CEP83: variants seen among roughly 807,000 people sequenced by gnomAD.
CEP83 encodes the protein centrosomal protein of 83 kDa.
In CEP83, 70 loss-of-function variants were observed where a neutral mutation model predicts 101.9. That is an observed-to-expected ratio of 0.69 (90% CI 0.57 to 0.84). The LOEUF is 0.84. Ranked by LOEUF, CEP83 falls within the 40% of genes least tolerant of loss-of-function variation. The pLI, the probability that CEP83 is intolerant of heterozygous loss-of-function variation, is 0.00. For missense variants in CEP83, 715 were observed against 787.2 expected, an observed-to-expected ratio of 0.91 and a Z score of 1.10; for synonymous variants, 264 against 267.9, an observed-to-expected ratio of 0.99 and a Z score of 0.14.
the CEP83 span, among the ~76,000 whole-genome samples, chr12:94,285,999 G>T: frequency 2.8e-4 from 42 of 152,308 alleles, no homozygotes; most frequent in South Asian, 1.0e-3. Flanking sequence ...AGTCTCTCCA[G>T]CAGGGAGAAT....
intron 9 of CEP83, chr12:94,369,449 A>G (rs780040240): frequency 6.6e-6 from 1 of 152,398 alleles, no homozygotes; most frequent in African/African-American, 2.4e-5. Context: ...GCGAGACTCC[A>G]TCTCAAAAAT....
chr12:94,269,188 C>T, the CEP83 span, among the ~76,000 whole-genome samples: 7 of 152,310 alleles, frequency 4.6e-5, no homozygotes, highest in East Asian at 7.7e-4. Context: ...TCTTAGAAAA[C>T]GAGCTTGCCA....
chr12:94,286,989 C>T, the CEP83 span, among the ~76,000 whole-genome samples: 3 of 152,208 alleles, frequency 2.0e-5, no homozygotes, highest in African/African-American at 7.2e-5. Flanking sequence ...CACCTACTGG[C>T]TGACACCCTT....
At chr12:94,274,638 T>G in the CEP83 span, among the ~76,000 whole-genome samples, 1 of 152,234 alleles carries the variant, frequency 6.6e-6, no homozygotes, top group Admixed American at 6.5e-5. Flanking sequence ...TCACAGCTCT[T>G]TAGCCTTTCA....
At chr12:94,290,556 T>C in the CEP83 span, among the ~76,000 whole-genome samples, 1 of 152,240 alleles carries the variant, frequency 6.6e-6, no homozygotes, top group African/African-American at 2.4e-5. Context: ...CACCAGCAGT[T>C]GGAGGCCTCT....
intron 14 of CEP83, among the ~76,000 whole-genome samples, chr12:94,322,802 A>G (rs2058804038): frequency 1.3e-5 from 2 of 152,202 alleles, no homozygotes; most frequent in South Asian, 4.1e-4. Flanking sequence ...AAGAATGTGA[A>G]ACATCAAAGA....
At chr12:94,269,972 C>T in the CEP83 span, among the ~76,000 whole-genome samples, 9 of 152,318 alleles carry the variant, frequency 5.9e-5, no homozygotes, top group African/African-American at 2.2e-4. Flanking sequence ...ACACTTTCTT[C>T]TCATGCCTGT....
chr12:94,302,499 A>T (rs1455274130), downstream of CEP83, among the ~76,000 whole-genome samples: 1 of 152,210 alleles, frequency 6.6e-6, no homozygotes, highest in Non-Finnish European at 1.5e-5. Flanking sequence ...TCTTCATTTG[A>T]CTAATAAAGT....
At chr12:94,315,182 C>A (rs1406127752) in intron 14 of CEP83, among the ~76,000 whole-genome samples, 1 of 152,120 alleles carries the variant, frequency 6.6e-6, no homozygotes, top group Non-Finnish European at 1.5e-5. Context: ...AGCAGTTTTA[C>A]CAATTACATT....
chr12:94,300,359 G>GA, the CEP83 span, among the ~76,000 whole-genome samples: 1 of 152,216 alleles, frequency 6.6e-6, no homozygotes, highest in African/African-American at 2.4e-5. Flanking sequence ...CCTGAGGCAA[G>GA]AAAGTTTCAG....
At chr12:94,387,095 C>T (rs909163812) in intron 6 of CEP83, among the ~76,000 whole-genome samples, 5 of 152,284 alleles carry the variant, frequency 3.3e-5, no homozygotes, top group South Asian at 2.1e-4. Flanking sequence ...TTTAACCACA[C>T]CCAAAAGATA....
At chr12:94,376,431 T>C (rs770482003) in intron 7 of CEP83, among the ~76,000 whole-genome samples, 10 of 151,102 alleles carry the variant, frequency 6.6e-5, no homozygotes, top group African/African-American at 7.3e-5. Flanking sequence ...CAAGTAAAAA[T>C]TGAAAATCTA....
chr12:94,372,124 C>T (rs1180175523), intron 8 of CEP83, among the ~76,000 whole-genome samples: 1 of 152,118 alleles, frequency 6.6e-6, no homozygotes, highest in Non-Finnish European at 1.5e-5. Context: ...CAGGCATGCA[C>T]CACCACACCT....
At chr12:94,432,410 C>A (rs2065704648) in intron 2 of CEP83, among the ~76,000 whole-genome samples, 1 of 151,962 alleles carries the variant, frequency 6.6e-6, no homozygotes, top group Non-Finnish European at 1.5e-5. Context: ...AAATACTATT[C>A]AGCTATGAGA....
chr12:94,369,884 A>G lies in CEP83; in HGVS notation c.1048+38T>C, dbSNP rs2137039177. Reference sequence around the variant, plus strand: ...ATAATTTGAGTTCATATCTGAAAATAAGCAGCAGCAGCAGCAGCAAGGGAA... The same window carrying G: ...ATAATTTGAGTTCATATCTGAAAATGAGCAGCAGCAGCAGCAGCAAGGGAA... On this transcript the variant is annotated intron_variant, in intron 9 of 16. Transcript: ENST00000397809. The G allele has an allele frequency of 3.9e-6, 4 of 1,029,080 alleles. No individual in the cohort carries two copies. The East Asian group carries it at 7.2e-5, about 19-fold the overall frequency. The allele number at this position is 1,029,080 out of a possible 1,614,324, so 63.7% of individuals were successfully genotyped here. A position where few individuals can be genotyped will look rare whatever the true frequency, so the allele number is the denominator to read the frequency against.
At chr12:94,442,371 G>A (rs1404816401) in intron 1 of CEP83, among the ~76,000 whole-genome samples, 2 of 151,008 alleles carry the variant, frequency 1.3e-5, no homozygotes, top group African/African-American at 4.9e-5. Flanking sequence ...TGGGGGGAAG[G>A]AGGGAGGGGG....
At position 94,344,560 on chromosome 12, in the gene CEP83, C is replaced by T. The variant is rs188386294; in HGVS notation, c.1344-8896G>A. Reference sequence around the variant, plus strand: ...AAGTAAACTATATTTCTATATGCAACGAACAATTAAGAAGTCAAATGAACT... The same window carrying T: ...AAGTAAACTATATTTCTATATGCAATGAACAATTAAGAAGTCAAATGAACT... On this transcript the variant is annotated intron_variant, in intron 11 of 16. Transcript: ENST00000397809. Among the ~76,000 whole-genome samples, 20 of 148,448 alleles carry T rather than the reference C, an allele frequency of 1.3e-4. No homozygotes were observed. The East Asian group carries it at 1.4e-3, about 10-fold the overall frequency.
rs117275701 is a variant in CEP83 at position 94,316,658 on chromosome 12, C to T, written c.1708-3641G>A. ...CTCATCATTTAGCTCCCACTTATGACAATGAAAACATGCAGTATTCGGTTT... is the reference window on the plus strand; with the variant it reads ...CTCATCATTTAGCTCCCACTTATGATAATGAAAACATGCAGTATTCGGTTT... On this transcript the variant is annotated intron_variant, in intron 14 of 16. Transcript: ENST00000397809. Among the ~76,000 whole-genome samples, 120 of 152,120 alleles carry T rather than the reference C, an allele frequency of 7.9e-4. 1 individual carries two copies. In the East Asian group the frequency reaches 0.022, roughly 28 times the overall value.
At chr12:94,355,754 A>C (rs1006032219) in intron 11 of CEP83, among the ~76,000 whole-genome samples, 6 of 152,198 alleles carry the variant, frequency 3.9e-5, no homozygotes, top group Non-Finnish European at 8.8e-5. Context: ...AGGGTGGAAA[A>C]CCGCTTAAAA....
Sources: allele counts gnomAD v4.1 joint callset (sites outside exome capture counted in the v4.1 genomes callset), GRCh38; gene constraint gnomAD v4.1.1; transcripts MANE v1.5; gene names NCBI Gene and HGNC (gene_info 2026-07-23, HGNC 2026-07-21).